Variants in TCP10L observed in about 807,000 individuals in gnomAD.
TCP10L encodes t-complex 10 like.
A neutral mutation model predicts 19.2 loss-of-function variants in TCP10L; 11 were observed. That is an observed-to-expected ratio of 0.57 (90% CI 0.36 to 0.95). TCP10L has a LOEUF of 0.95. TCP10L is among the 40% of genes least tolerant of loss of function. The probability of loss-of-function intolerance (pLI) is 0.01; values close to 1 mark genes in which losing one functional copy is unlikely to be tolerated. For synonymous variants in TCP10L, 96 were observed against 97.2 expected (o/e 0.99, Z 0.07); for missense variants, 247 against 263.9 (o/e 0.94, Z 0.44).
rs2038401742 is a variant in TCP10L at position 32,573,784 on chromosome 21, C to G, written c.*2990G>C. 6.6e-6 allele frequency among the ~76,000 whole-genome samples: 1 copy of G among 152,104 alleles called. No individual in the cohort carries two copies. The highest frequency in any genetic ancestry group is 2.1e-4 in the South Asian group (1 of 4,802). ...CCCACTTATATGTTTGCTCTGGGGT[C>G]AGGGTGGCCACAGTGACAACCGCCA... On this transcript the variant is annotated 3_prime_UTR_variant, in exon 5 of 5. Transcript: ENST00000300258.
rs1033149880 is a variant in TCP10L, at chr21:32,578,899, A to G, written c.361-68T>C. 1.9e-6 allele frequency: 3 copies of G among 1,608,864 alleles called. No individual in the cohort carries two copies. Among genetic ancestry groups the G allele is most frequent in the African/African-American group, 2.7e-5 (2 of 74,686 alleles). Reference sequence around the variant, plus strand: ...TAAAATAAATTCAAATTTTAATACAATGAAGAATAATTGGAATGTCCTAGA... The same window carrying G: ...TAAAATAAATTCAAATTTTAATACAGTGAAGAATAATTGGAATGTCCTAGA... On this transcript the variant is annotated intron_variant, in intron 3 of 4. Coordinates refer to ENST00000300258, the MANE Select transcript of TCP10L (RefSeq NM_144659.7). The surrounding 1 kb of genome is among the most constrained non-coding windows in gnomAD (Gnocchi z 4.2).
intron 4 of TCP10L, chr21:32,577,825 G>A (rs2038451730): frequency 1.3e-5 from 2 of 152,234 alleles, no homozygotes; most frequent in African/African-American, 4.8e-5. Context: ...AGCCTTCAGA[G>A]CTGAGAGCCG....
At chr21:32,579,553 A>G (rs1434021836) in intron 3 of TCP10L, among the ~76,000 whole-genome samples, 1 of 152,198 alleles carries the variant, frequency 6.6e-6, no homozygotes, top group Non-Finnish European at 1.5e-5. Flanking sequence ...TGTTTCTTCA[A>G]ATCAGGTATG....
At chr21:32,579,486 G>A (rs1291687808) in intron 3 of TCP10L, among the ~76,000 whole-genome samples, 2 of 152,088 alleles carry the variant, frequency 1.3e-5, no homozygotes, top group African/African-American at 2.4e-5. Context: ...CTAAAACGGC[G>A]ACTACACACA....
chr21:32,576,816 A>T lies in TCP10L; in HGVS notation c.606T>A (p.Thr202=). The part of the protein sequence containing the change: ...RRRQDRRATP[T]GRPTPCAERR... ...TCTCTGCACAGGGAGTTGGCCTTCC[A>T]GTAGGTGTTGCTCTTCTGTCTTGAC... Residue 202 remains threonine, a synonymous_variant, in exon 5 of 5, where the codon ACT becomes ACA. Transcript: ENST00000300258. 1 of 1,614,088 alleles carries T rather than the reference A, an allele frequency of 6.2e-7. No individual in the cohort carries two copies. Among genetic ancestry groups the T allele is most frequent in the Non-Finnish European group, 8.5e-7 (1 of 1,180,004 alleles).
rs1465247494 is a variant in TCP10L, at chr21:32,574,210, AAT to A, written c.*2562_*2563del. 1 of 152,204 alleles carries A rather than the reference AAT, an allele frequency of 6.6e-6. No individual in the cohort carries two copies. Among genetic ancestry groups the A allele is most frequent in the East Asian group, 1.9e-4 (1 of 5,204 alleles). 9.4% of individuals were successfully genotyped at this position (152,204 alleles called of 1,614,324 possible). ...AGTGGACCACTAGCTAGGGCTTAGA[AAT>A]ATGTTTGCTATTCGTGCCTTCGAGT... On this transcript the variant is annotated 3_prime_UTR_variant, in exon 5 of 5. Transcript: ENST00000300258.
At chr21:32,579,394 A>G (rs1307303010) in intron 3 of TCP10L, among the ~76,000 whole-genome samples, 1 of 152,170 alleles carries the variant, frequency 6.6e-6, no homozygotes, top group African/African-American at 2.4e-5. Context: ...AACCCTTAAT[A>G]TCAGATCCAG....
In TCP10L at chr21:32,582,452, G is replaced by C. The variant is rs1251967903; in HGVS notation, c.145-37C>G. Reference sequence around the variant, plus strand: ...AAGAGAACACCAGAAAAACCTCTCAGATGTCACAATGGGCACATTTATCTG... The same window carrying C: ...AAGAGAACACCAGAAAAACCTCTCACATGTCACAATGGGCACATTTATCTG... On this transcript the variant is annotated intron_variant, in intron 2 of 4. Transcript: ENST00000300258. This position sits in a 1 kb window ranked among gnomAD's most constrained non-coding sequence, Gnocchi z 4.2. 1.3e-6 allele frequency: 2 copies of C among 1,587,996 alleles called. No homozygotes were observed. Among genetic ancestry groups the C allele is most frequent in the Non-Finnish European group, 1.7e-6 (2 of 1,167,942 alleles).
chr21:32,581,340 C>T (rs1203064673), intron 3 of TCP10L, among the ~76,000 whole-genome samples: 3 of 152,204 alleles, frequency 2.0e-5, no homozygotes, highest in African/African-American at 4.8e-5. Context: ...AAACCTTGCA[C>T]CCATCCTCCA....
At chr21:32,580,435 A>G (rs58544783) in intron 3 of TCP10L, among the ~76,000 whole-genome samples, 20,612 of 149,918 alleles carry the variant, frequency 0.14, 1,872 homozygotes, top group Middle Eastern at 0.26. Flanking sequence ...TTGGAGAACA[A>G]ACCACAGAGC....
chr21:32,583,368 T>A (rs2038518353), intron 2 of TCP10L, among the ~76,000 whole-genome samples: 1 of 151,784 alleles, frequency 6.6e-6, no homozygotes, highest in Non-Finnish European at 1.5e-5. Context: ...GGCGGGCGGA[T>A]CACGAGGTCA....
intron 4 of TCP10L, chr21:32,577,355 G>T (rs2038447058): frequency 6.0e-6 from 1 of 166,780 alleles, no homozygotes; most frequent in Non-Finnish European, 1.3e-5. Flanking sequence ...ACAGGAGGCT[G>T]GGCCTGTGCA....
At chr21:32,584,422 C>T in intron 1 of TCP10L, 117 bp from the exon 2 acceptor site, 2 of 1,405,380 alleles carry the variant, frequency 1.4e-6, no homozygotes, top group Non-Finnish European at 1.9e-6. Flanking sequence ...GCCGCTCCTT[C>T]TCCCCCTGGG....
In TCP10L at chr21:32,584,266, C is replaced by T. The variant is rs752304742; in HGVS notation, c.39G>A (p.Glu13=). 6.2e-7 allele frequency: 1 copy of T among 1,614,078 alleles called. No individual in the cohort carries two copies. The highest frequency in any genetic ancestry group is 1.7e-5 in the Admixed American group (1 of 60,010). ...GGCACGGGTCCTCTGGGTGGGTGCC[C>T]TCTTTGGGGTCCCTGGCCTCGAGTT... ...AGQLEARDPK[E]GTHPEDPCPG... is the part of the protein sequence containing the mutation. The change falls in exon 2 of 5, where the codon GAG becomes GAA. Residue 13 remains glutamate, a synonymous_variant. Coordinates refer to ENST00000300258, the MANE Select transcript of TCP10L (RefSeq NM_144659.7).
chr21:32,576,349 G>A lies in TCP10L; in HGVS notation c.*425C>T, dbSNP rs889562402. On this transcript the variant is annotated 3_prime_UTR_variant, in exon 5 of 5. Transcript: ENST00000300258. The stretch of plus-strand genomic sequence containing the variant: ...CTGGGGCAATGACAGTCACAGGCCC[G>A]CCTTGTCACAAGGTCCCTGGAGCGG... The A allele has an allele frequency of 1.4e-5, 20 of 1,409,562 alleles. No individual in the cohort carries two copies. Among genetic ancestry groups the A allele is most frequent in the Admixed American group, 3.9e-5 (2 of 50,674 alleles). The allele number at this position is 1,409,562 out of a possible 1,614,324, so 87.3% of individuals were successfully genotyped here.
Position 32,576,147 on chromosome 21 carries a change from G to T in TCP10L, c.*627C>A. 1 of 950,232 alleles carries T rather than the reference G, an allele frequency of 1.1e-6. No homozygotes were observed. The highest frequency in any genetic ancestry group is 1.6e-6 in the Non-Finnish European group (1 of 641,522). The allele number at this position is 950,232 out of a possible 1,614,324, so 58.9% of individuals were successfully genotyped here. A position where few individuals can be genotyped will look rare whatever the true frequency, so the allele number is the denominator to read the frequency against. ...CCATAGTAAGATGTTCTGCTCACGC[G>T]TATCCACGAGAAAGCCCCGCATTTC... On this transcript the variant is annotated 3_prime_UTR_variant, in exon 5 of 5. Transcript: ENST00000300258.
chr21:32,577,972 T>C (rs1451749920), intron 4 of TCP10L, among the ~76,000 whole-genome samples: 1 of 152,332 alleles, frequency 6.6e-6, no homozygotes, highest in South Asian at 2.1e-4. Context: ...TCTGGCTAGA[T>C]ATCCACAGCA....
chr21:32,584,241 G>A lies in TCP10L; in HGVS notation c.64C>T (p.Pro22Ser). Residue 22 changes from proline (P) to serine (S), a missense_variant, in exon 2 of 5, where the codon CCA (proline) becomes TCA (serine). Pro to Ser is a moderately conservative substitution (Grantham distance 74, BLOSUM62 -1). Transcript: ENST00000300258. ...TTCTCCATGACAGCCCCAGCTCCTG[G>A]GCACGGGTCCTCTGGGTGGGTGCCC... ...KEGTHPEDPC[P>S]GAGAVMEKTA... The A allele has an allele frequency of 1.2e-6, 2 of 1,614,098 alleles. No homozygotes were observed. The highest frequency in any genetic ancestry group is 2.2e-5 in the East Asian group (1 of 44,874).
rs201206760 is a variant in TCP10L, at chr21:32,583,817, T to C, written c.144+344A>G. Reference sequence around the variant, plus strand: ...GTCCAACAGGGTCCAATGAGGAAGATGGTAAAAATCAGGAAACTTGCTGGG... The same window carrying C: ...GTCCAACAGGGTCCAATGAGGAAGACGGTAAAAATCAGGAAACTTGCTGGG... On this transcript the variant is annotated intron_variant, in intron 2 of 4. Coordinates refer to ENST00000300258, the MANE Select transcript of TCP10L (RefSeq NM_144659.7). Among the ~76,000 whole-genome samples, 24 of 69,026 alleles carry C rather than the reference T, an allele frequency of 3.5e-4. 1 individual carries two copies. The highest frequency in any genetic ancestry group is 2.8e-5 in the Non-Finnish European group (1 of 36,018). 45.3% of individuals were successfully genotyped at this position (69,026 alleles called of 152,430 possible). A position where few individuals can be genotyped will look rare whatever the true frequency, so the allele number is the denominator to read the frequency against.
Sources: allele counts gnomAD v4.1 joint callset (sites outside exome capture counted in the v4.1 genomes callset), GRCh38; gene constraint gnomAD v4.1.1; non-coding constraint Gnocchi (gnomAD v3.1); transcripts MANE v1.5; gene names NCBI Gene and HGNC (gene_info 2026-07-23, HGNC 2026-07-21).